KALRN: variants seen among roughly 807,000 people sequenced by gnomAD.
KALRN encodes the protein kalirin.
Under a neutral mutation model 353.7 loss-of-function variants are expected in KALRN, and 70 were observed. The ratio of observed to expected loss-of-function variants is 0.20; its 90% CI spans 0.16 to 0.24. The LOEUF (loss-of-function observed/expected upper bound fraction) is 0.24, where lower values mean the gene tolerates loss of function less well. Ranked by LOEUF, KALRN falls within the 10% of genes least tolerant of loss-of-function variation. KALRN has a pLI of 1.00. For missense variants in KALRN, 2,791 were observed against 3,756.7 expected (o/e 0.74, Z 6.72); for synonymous variants, 1,391 against 1,434.8 (o/e 0.97, Z 0.69).
intron 49 of KALRN, chr3:124,677,610 A>G: frequency 2.2e-6 from 1 of 456,712 alleles, no homozygotes; most frequent in Non-Finnish European, 4.4e-6. Flanking sequence ...ATATCCAGGT[A>G]AATGAGTGGT....
intron 45 of KALRN, 88 bp from the exon 46 acceptor site, chr3:124,666,361 C>A: frequency 8.2e-7 from 1 of 1,214,796 alleles, no homozygotes; most frequent in Non-Finnish European, 1.2e-6. Flanking sequence ...TTGCCCGTAT[C>A]CCCAGATGGG....
chr3:124,553,469 C>T (rs534812967), intron 33 of KALRN, among the ~76,000 whole-genome samples: 1 of 152,358 alleles, frequency 6.6e-6, no homozygotes, highest in Admixed American at 6.5e-5. Context: ...GGCCTGGTTT[C>T]CTCTGAAGCT....
At chr3:124,118,463 A>G (rs1342806531) in intron 1 of KALRN, among the ~76,000 whole-genome samples, 4 of 151,348 alleles carry the variant, frequency 2.6e-5, no homozygotes, top group Admixed American at 2.6e-4. Flanking sequence ...GCAAAGATAT[A>G]CATGTGAACA....
intron 1 of KALRN, among the ~76,000 whole-genome samples, chr3:124,227,027 C>G (rs1278296041): frequency 6.6e-6 from 1 of 152,034 alleles, no homozygotes; most frequent in Non-Finnish European, 1.5e-5. Flanking sequence ...CTGTGGGGTT[C>G]TTAGGTTAAA....
At chr3:124,445,535 A>G (rs562222565) in intron 19 of KALRN, among the ~76,000 whole-genome samples, 10 of 152,318 alleles carry the variant, frequency 6.6e-5, no homozygotes, top group Admixed American at 6.5e-4. Flanking sequence ...AGCTTTTCTT[A>G]TGATCACATC....
rs531450179 is a variant in KALRN at position 124,060,395 on chromosome 3, C to T, written c.73+26582C>T. Among the ~76,000 whole-genome samples, 6 of 152,234 alleles carry T rather than the reference C, an allele frequency of 3.9e-5. No homozygotes were observed. The East Asian group carries it at 1.2e-3, about 29-fold the overall frequency. The stretch of plus-strand genomic sequence containing the variant: ...TAGGTGTTAATATATAAAATGCTTT[C>T]CTTTCTTTCACTATCTCTCTCTTGA... On this transcript the variant is annotated intron_variant, in intron 1 of 59. Coordinates refer to ENST00000682506, the MANE Select transcript of KALRN (RefSeq NM_001388419.1).
chr3:124,623,423 C>A lies in KALRN; in HGVS notation c.5183-8997C>A, dbSNP rs141240880. Among the ~76,000 whole-genome samples the A allele has an allele frequency of 9.8e-4, 146 of 149,336 alleles. 2 individuals are homozygous for A. Among genetic ancestry groups the A allele is most frequent in the Middle Eastern group, 7.0e-3 (2 of 284 alleles). ...ATACACACACACACACACACACACA[C>A]ACACAAAAGGGAGTTTATTAACTCA... is the stretch of plus-strand genomic sequence containing the variant. On this transcript the variant is annotated intron_variant, in intron 34 of 59. Coordinates refer to ENST00000682506, the MANE Select transcript of KALRN (RefSeq NM_001388419.1).
chr3:124,293,174 A>T (rs980780255), intron 5 of KALRN, among the ~76,000 whole-genome samples: 7 of 152,238 alleles, frequency 4.6e-5, no homozygotes, highest in Non-Finnish European at 1.0e-4. Flanking sequence ...CATGATTGAT[A>T]TTGGGATGCA....
At chr3:124,036,128 C>T (rs895276510) in intron 1 of KALRN, among the ~76,000 whole-genome samples, 1 of 152,052 alleles carries the variant, frequency 6.6e-6, no homozygotes, top group South Asian at 2.1e-4. Flanking sequence ...AACTGTGTGT[C>T]ACAGGGGTTT....
chr3:124,544,743 T>G (rs1454700869), intron 33 of KALRN, among the ~76,000 whole-genome samples: 1 of 152,176 alleles, frequency 6.6e-6, no homozygotes, highest in Non-Finnish European at 1.5e-5. Context: ...GTTTGTTGTG[T>G]TCAGTGCTGT....
chr3:124,316,589 A>G (rs903019469), intron 6 of KALRN, among the ~76,000 whole-genome samples: 4 of 152,244 alleles, frequency 2.6e-5, no homozygotes, highest in African/African-American at 9.6e-5. Flanking sequence ...AGATAGCCAC[A>G]TGGCTCACCT....
chr3:124,690,891 C>T (rs1175449376), intron 51 of KALRN, among the ~76,000 whole-genome samples: 1 of 152,180 alleles, frequency 6.6e-6, no homozygotes, highest in African/African-American at 2.4e-5. Context: ...TAGTCCTTAG[C>T]AGAGACACTG....
At chr3:124,403,952 G>A (rs2091199493) in intron 13 of KALRN, among the ~76,000 whole-genome samples, 1 of 152,130 alleles carries the variant, frequency 6.6e-6, no homozygotes, top group Non-Finnish European at 1.5e-5. Flanking sequence ...TCCCAATGAG[G>A]TTACACCTGA....
intron 9 of KALRN, among the ~76,000 whole-genome samples, chr3:124,338,178 C>G (rs2081326467): frequency 6.6e-6 from 1 of 152,110 alleles, no homozygotes; most frequent in Admixed American, 6.6e-5. Flanking sequence ...CTTCTGCTAG[C>G]TTTTGAATTT....
rs1434962575 is a variant in KALRN, at chr3:124,441,828, A to C, written c.3199-117A>C. Reference sequence around the variant, plus strand: ...GCAACAGAGTGAGACTCTGTCTCAAAAAAGAAAAAAAAAAAAAGCAAAAGA... The same window carrying C: ...GCAACAGAGTGAGACTCTGTCTCAACAAAGAAAAAAAAAAAAAGCAAAAGA... On this transcript the variant is annotated intron_variant, in intron 18 of 59. Coordinates refer to ENST00000682506, the MANE Select transcript of KALRN (RefSeq NM_001388419.1). 5.7e-5 allele frequency: 34 copies of C among 594,684 alleles called. 1 individual carries two copies. The African/African-American group carries it at 7.6e-4, about 13-fold the overall frequency. The allele number at this position is 594,684 out of a possible 1,614,324, so 36.8% of individuals were successfully genotyped here. A position where few individuals can be genotyped will look rare whatever the true frequency, so the allele number is the denominator to read the frequency against.
chr3:124,654,341 C>G (rs575719516), intron 38 of KALRN, among the ~76,000 whole-genome samples: 1 of 152,360 alleles, frequency 6.6e-6, no homozygotes, highest in Admixed American at 6.5e-5. Flanking sequence ...AGGCCCCAGG[C>G]TCCAGGAATG....
chr3:124,489,091 G>T (rs1408670086), intron 29 of KALRN, among the ~76,000 whole-genome samples: 3 of 152,180 alleles, frequency 2.0e-5, no homozygotes, highest in African/African-American at 7.2e-5. Context: ...TGGATCACCT[G>T]AGGTCAGGAG....
In KALRN at chr3:124,179,715, T is replaced by C. The variant is rs1169057157; in HGVS notation, c.74-48275T>C. On this transcript the variant is annotated intron_variant, in intron 1 of 59. Coordinates refer to ENST00000682506, the MANE Select transcript of KALRN (RefSeq NM_001388419.1). ...TAGCAGCTATGATGTCACTAGGTGG[T>C]AGGAGTTTTTCAGCTCCATCATAAT... Among the ~76,000 whole-genome samples the C allele has an allele frequency of 2.0e-5, 3 of 152,342 alleles. No homozygotes were observed. In the East Asian group the frequency reaches 5.8e-4, roughly 29 times the overall value.
At chr3:124,297,984 CAT>C (rs141622506) in intron 5 of KALRN, among the ~76,000 whole-genome samples, 4,223 of 152,326 alleles carry the variant, frequency 0.028, 100 homozygotes, top group East Asian at 0.085. Context: ...AAACTTCCCT[CAT>C]GTTTTATTGT....
Sources: gnomAD v4.1 joint callset for allele counts (sites outside exome capture counted in the v4.1 genomes callset) on GRCh38, gnomAD v4.1.1 for gene constraint, MANE v1.5 for transcripts, NCBI Gene and HGNC (gene_info 2026-07-23, HGNC 2026-07-21) for gene names.